DCC: variants seen among roughly 807,000 people sequenced by gnomAD.
DCC encodes netrin receptor DCC.
In DCC, 58 loss-of-function variants were observed where a neutral mutation model predicts 172.5. The observed-to-expected ratio is 0.34, with a 90% CI of 0.27 to 0.42. The LOEUF is 0.42. DCC is among the 10% of genes least tolerant of loss of function. The pLI is 1.00. For synonymous variants in DCC, 709 were observed against 644.5 expected (o/e 1.10, Z -1.52); for missense variants, 1,740 against 1,791.0 (o/e 0.97, Z 0.51).
At chr18:53,396,577 G>A (rs893624869) in intron 17 of DCC, among the ~76,000 whole-genome samples, 3 of 152,184 alleles carry the variant, frequency 2.0e-5, no homozygotes, top group African/African-American at 4.8e-5. Context: ...ATCGTTAAAT[G>A]TTTGTTTAAT....
intron 1 of DCC, among the ~76,000 whole-genome samples, chr18:52,568,695 C>T (rs2144754115): frequency 6.6e-6 from 1 of 152,168 alleles, no homozygotes; most frequent in East Asian, 1.9e-4. Flanking sequence ...CTTACACACA[C>T]ACACCCCCAC....
intron 1 of DCC, among the ~76,000 whole-genome samples, chr18:52,694,484 C>T (rs2035979720): frequency 6.6e-6 from 1 of 152,150 alleles, no homozygotes; most frequent in Non-Finnish European, 1.5e-5. Context: ...TAGGATTCCA[C>T]ACTGTTCTAT....
intron 15 of DCC, among the ~76,000 whole-genome samples, chr18:53,378,409 G>C (rs1024840573): frequency 6.8e-6 from 1 of 147,168 alleles, no homozygotes; most frequent in African/African-American, 2.6e-5. Context: ...CGATTGTTGA[G>C]TGTCCCTTTG....
chr18:52,760,956 G>T (rs2037150683), intron 2 of DCC, among the ~76,000 whole-genome samples: 1 of 151,836 alleles, frequency 6.6e-6, no homozygotes, highest in Admixed American at 6.6e-5. Context: ...TTATCTCCCT[G>T]TAAAAAGTTA....
chr18:52,452,933 T>C (rs1988349756), intron 1 of DCC, among the ~76,000 whole-genome samples: 1 of 152,222 alleles, frequency 6.6e-6, no homozygotes, highest in African/African-American at 2.4e-5. Flanking sequence ...GTAATTTTAA[T>C]GACAAGACTA....
At chr18:53,148,882 T>TTTTG (rs2043958007) in intron 7 of DCC, among the ~76,000 whole-genome samples, 1 of 148,828 alleles carries the variant, frequency 6.7e-6, no homozygotes, top group South Asian at 2.1e-4. Flanking sequence ...TTTTTTTTTT[T>TTTTG]GGACAAAGTC....
chr18:53,055,240 A>C (rs1353746137), intron 5 of DCC, among the ~76,000 whole-genome samples: 1 of 152,162 alleles, frequency 6.6e-6, no homozygotes, highest in African/African-American at 2.4e-5. Context: ...CAATGGGATG[A>C]ATTGCTGTAG....
At chr18:53,350,557 G>A (rs563254776) in intron 15 of DCC, among the ~76,000 whole-genome samples, 1 of 152,118 alleles carries the variant, frequency 6.6e-6, no homozygotes, top group Admixed American at 6.5e-5. Context: ...TCTGAGTGTA[G>A]ATCCATATTT....
chr18:52,446,916 AT>A (rs1568174244), intron 1 of DCC, among the ~76,000 whole-genome samples: 21 of 152,234 alleles, frequency 1.4e-4, no homozygotes, highest in African/African-American at 5.1e-4. Context: ...AGACATTTCA[AT>A]TCAATTGATT....
At chr18:52,350,596 A>G (rs1007481215) in intron 1 of DCC, among the ~76,000 whole-genome samples, 2 of 152,164 alleles carry the variant, frequency 1.3e-5, no homozygotes, top group Admixed American at 6.6e-5. Flanking sequence ...GCAAACCACT[A>G]TGGCATGTGT....
intron 1 of DCC, among the ~76,000 whole-genome samples, chr18:52,353,713 G>A (rs1448585326): frequency 1.3e-5 from 2 of 152,000 alleles, no homozygotes; most frequent in African/African-American, 2.4e-5. Context: ...TTTAACTGGC[G>A]TGCTCCAAAT....
chr18:52,870,900 C>G lies in DCC; in HGVS notation c.413-35144C>G, dbSNP rs544414624. On this transcript the variant is annotated intron_variant, in intron 2 of 28. Coordinates refer to ENST00000442544, the MANE Select transcript of DCC (RefSeq NM_005215.4). ...TAGCCAGCTTCATATCACTTAGGCT[C>G]GCTCTTTACTGCAATGCCACGGTCT... 1.4e-3 allele frequency among the ~76,000 whole-genome samples: 206 copies of G among 152,210 alleles called. 1 individual carries two copies. The highest frequency in any genetic ancestry group is 4.7e-3 in the African/African-American group (196 of 41,544).
At chr18:53,510,494 C>T (rs746666702) in intron 27 of DCC, among the ~76,000 whole-genome samples, 9 of 152,004 alleles carry the variant, frequency 5.9e-5, no homozygotes, top group Non-Finnish European at 1.0e-4. Flanking sequence ...TATAAAAATG[C>T]CGTAAGTCAA....
chr18:52,842,280 C>T (rs2038819779), intron 2 of DCC, among the ~76,000 whole-genome samples: 3 of 152,050 alleles, frequency 2.0e-5, no homozygotes, highest in Admixed American at 6.5e-5. Flanking sequence ...CAGAGCTTTA[C>T]TATAAGGTAT....
At chr18:52,919,763 C>G (rs1403947888) in intron 3 of DCC, among the ~76,000 whole-genome samples, 1 of 151,238 alleles carries the variant, frequency 6.6e-6, no homozygotes, top group Non-Finnish European at 1.5e-5. Flanking sequence ...GACAAGAGAC[C>G]CAGAATAGAG....
At chr18:53,008,222 A>C (rs2041674275) in intron 5 of DCC, among the ~76,000 whole-genome samples, 1 of 152,132 alleles carries the variant, frequency 6.6e-6, no homozygotes, top group Non-Finnish European at 1.5e-5. Context: ...ACAGACTTAG[A>C]TCACACTTTC....
At chr18:52,799,070 T>C (rs1036284103) in intron 2 of DCC, among the ~76,000 whole-genome samples, 3 of 152,192 alleles carry the variant, frequency 2.0e-5, no homozygotes, top group East Asian at 1.9e-4. Flanking sequence ...TTATTAATGT[T>C]TGAAATAAAA....
At chr18:52,351,432 A>AT (rs11411509) in intron 1 of DCC, among the ~76,000 whole-genome samples, 51,898 of 151,920 alleles carry the variant, frequency 0.34, 9,287 homozygotes, top group East Asian at 0.51. Flanking sequence ...CTTTTCCTTG[A>AT]TTTTTTTATT....
chr18:52,942,888 A>G (rs1002056063), intron 5 of DCC, among the ~76,000 whole-genome samples: 6 of 152,182 alleles, frequency 3.9e-5, no homozygotes, highest in African/African-American at 1.4e-4. Context: ...AATAATTATC[A>G]TGAGATATTT....
Sources: allele counts gnomAD v4.1 joint callset (sites outside exome capture counted in the v4.1 genomes callset), GRCh38; gene constraint gnomAD v4.1.1; transcripts MANE v1.5; gene names NCBI Gene and HGNC (gene_info 2026-07-23, HGNC 2026-07-21).